The following EPHA6 variants were observed in gnomAD, a reference collection of about 807,000 sequenced individuals.
The protein encoded by EPHA6 is ephrin type-A receptor 6.
EPHA6 carries 50 observed loss-of-function variants against 112.0 expected under a neutral mutation model. The ratio of observed to expected loss-of-function variants is 0.45; its 90% CI spans 0.36 to 0.56. EPHA6 has a LOEUF of 0.56. Among genes scored for constraint, EPHA6 ranks in the 20% least tolerant of loss-of-function variants. EPHA6 has a pLI of 0.00. For missense variants in EPHA6, 1,280 were observed against 1,417.4 expected (o/e 0.90, Z 1.56); for synonymous variants, 529 against 490.7 (o/e 1.08, Z -1.03).
intron 5 of EPHA6, among the ~76,000 whole-genome samples, chr3:97,320,573 AG>A (rs1476836292): frequency 6.6e-6 from 1 of 151,914 alleles, no homozygotes; most frequent in Non-Finnish European, 1.5e-5. Flanking sequence ...GAGAAATAAA[AG>A]GTCTCCTCAT....
At chr3:97,577,759 A>G (rs1453156067) in intron 11 of EPHA6, among the ~76,000 whole-genome samples, 1 of 152,218 alleles carries the variant, frequency 6.6e-6, no homozygotes, top group African/African-American at 2.4e-5. Context: ...AAGAAGTTGT[A>G]TATAAATATC....
At chr3:97,562,477 G>A (rs2093205222) in intron 11 of EPHA6, among the ~76,000 whole-genome samples, 1 of 152,140 alleles carries the variant, frequency 6.6e-6, no homozygotes, top group African/African-American at 2.4e-5. Context: ...ATTAGAAGTG[G>A]AGCCTGAAGA....
chr3:97,412,567 G>A (rs2087800730), intron 6 of EPHA6, among the ~76,000 whole-genome samples: 1 of 151,932 alleles, frequency 6.6e-6, no homozygotes, highest in South Asian at 2.1e-4. Flanking sequence ...TATACAAGGT[G>A]ATAGAAAAAA....
In EPHA6 at chr3:97,327,955, CTGTGTGTATATATATGTATATGTGCATAT is replaced by C. The variant is rs1559887712; in HGVS notation, c.1607-77194_1607-77166del. On this transcript the variant is annotated intron_variant, in intron 5 of 17. Transcript: ENST00000389672. The stretch of plus-strand genomic sequence containing the variant: ...TATGTATATGTGTATGTATATGTAT[CTGTGTGTATATATATGTATATGTGCATAT>C]ATATGTATATGTGTATGTATATGTA... 3.1e-4 allele frequency among the ~76,000 whole-genome samples: 30 copies of C among 95,614 alleles called. No homozygotes were observed. In the African/African-American group the frequency reaches 3.8e-3, roughly 12 times the overall value. 62.7% of individuals were successfully genotyped at this position (95,614 alleles called of 152,430 possible).
intron 5 of EPHA6, among the ~76,000 whole-genome samples, chr3:97,381,859 G>A (rs974922417): frequency 8.5e-5 from 13 of 152,172 alleles, no homozygotes; most frequent in South Asian, 2.1e-4. Flanking sequence ...TCACCATTCA[G>A]AGTCCAAAAG....
intron 2 of EPHA6, among the ~76,000 whole-genome samples, chr3:96,919,700 A>C (rs1046205636): frequency 1.3e-5 from 2 of 151,874 alleles, no homozygotes; most frequent in African/African-American, 2.4e-5. Flanking sequence ...ATGTGTGTCC[A>C]TCTCCAATAA....
chr3:97,139,738 A>C (rs1292482661), intron 3 of EPHA6, among the ~76,000 whole-genome samples: 2 of 152,208 alleles, frequency 1.3e-5, no homozygotes, highest in Non-Finnish European at 2.9e-5. Flanking sequence ...TCTCCAGATG[A>C]GAAGAAAACA....
chr3:97,465,232 TAACTC>T (rs1233027931), intron 7 of EPHA6, among the ~76,000 whole-genome samples: 37 of 152,106 alleles, frequency 2.4e-4, no homozygotes, highest in African/African-American at 7.0e-4. Flanking sequence ...ATTTTTTACT[TAACTC>T]AATTCCCTAG....
intron 1 of EPHA6, among the ~76,000 whole-genome samples, chr3:96,826,287 C>A (rs2033653715): frequency 6.6e-6 from 1 of 151,850 alleles, no homozygotes; most frequent in Non-Finnish European, 1.5e-5. Flanking sequence ...AGTTTTGATA[C>A]CTTAATTCTA....
chr3:97,740,855 TTATCTC>T (rs931898919), intron 16 of EPHA6, among the ~76,000 whole-genome samples: 5 of 152,176 alleles, frequency 3.3e-5, no homozygotes, highest in Non-Finnish European at 7.4e-5. Context: ...GCTAAATTGT[TTATCTC>T]TATACACCAA....
chr3:97,395,958 C>G (rs1195025354), intron 5 of EPHA6, among the ~76,000 whole-genome samples: 1 of 151,612 alleles, frequency 6.6e-6, no homozygotes, highest in Non-Finnish European at 1.5e-5. Context: ...TTGGAAGTTA[C>G]AGGAAGACAG....
intron 3 of EPHA6, among the ~76,000 whole-genome samples, chr3:97,102,027 A>G (rs1242478189): frequency 6.6e-6 from 1 of 152,088 alleles, no homozygotes; most frequent in Non-Finnish European, 1.5e-5. Flanking sequence ...AACTTGCCAG[A>G]GGTGACATCT....
At chr3:96,840,856 TAA>T (rs369172498) in intron 1 of EPHA6, among the ~76,000 whole-genome samples, 2,440 of 152,194 alleles carry the variant, frequency 0.016, 64 homozygotes, top group African/African-American at 0.049. Context: ...AAACTGAATT[TAA>T]AAAAATCTAT....
intron 13 of EPHA6, among the ~76,000 whole-genome samples, chr3:97,613,065 C>CA (rs961943786): frequency 5.0e-4 from 74 of 147,642 alleles, no homozygotes; most frequent in Middle Eastern, 3.4e-3. Context: ...TATTATAATG[C>CA]AAAAAAAAAA....
intron 5 of EPHA6, among the ~76,000 whole-genome samples, chr3:97,296,672 G>T (rs1358141682): frequency 6.6e-6 from 1 of 152,160 alleles, no homozygotes; most frequent in African/African-American, 2.4e-5. Context: ...TGGGATGAGT[G>T]CAAGTGTACC....
intron 5 of EPHA6, among the ~76,000 whole-genome samples, chr3:97,370,021 G>A (rs1018129162): frequency 1.3e-5 from 2 of 152,100 alleles, no homozygotes; most frequent in African/African-American, 2.4e-5. Flanking sequence ...TTAAAGAAAA[G>A]CATTAATGTG....
At chr3:97,309,575 T>A (rs1210057437) in intron 5 of EPHA6, among the ~76,000 whole-genome samples, 2 of 151,642 alleles carry the variant, frequency 1.3e-5, no homozygotes, top group Non-Finnish European at 3.0e-5. Context: ...ATACTGATAA[T>A]AGTTACTGAA....
chr3:97,115,852 C>T (rs62265077), intron 3 of EPHA6, among the ~76,000 whole-genome samples: 39,701 of 151,568 alleles, frequency 0.26, 8,245 homozygotes, highest in African/African-American at 0.56. Flanking sequence ...ATATATGATA[C>T]GTTATTGAAC....
At chr3:97,596,875 A>AATATATATATATAT (rs62670860) in intron 12 of EPHA6, among the ~76,000 whole-genome samples, 3,926 of 99,796 alleles carry the variant, frequency 0.039, 79 homozygotes, top group African/African-American at 0.07. Flanking sequence ...ATATCTATGG[A>AATATATATATATAT]ATATATATAT....
Sources: gnomAD v4.1 joint callset for allele counts (sites outside exome capture counted in the v4.1 genomes callset) on GRCh38, gnomAD v4.1.1 for gene constraint, MANE v1.5 for transcripts, NCBI Gene and HGNC (gene_info 2026-07-23, HGNC 2026-07-21) for gene names.